Variants in CHN2 observed in about 807,000 individuals in gnomAD.
The protein encoded by CHN2 is chimerin 2.
Under a neutral mutation model 56.3 loss-of-function variants are expected in CHN2, and 35 were observed. The observed-to-expected ratio is 0.62, with a 90% confidence interval of 0.47 to 0.82. The LOEUF (loss-of-function observed/expected upper bound fraction) is 0.82, where lower values mean the gene tolerates loss of function less well. CHN2 is among the 40% of genes least tolerant of loss of function. The pLI is 0.00. For missense variants in CHN2, 491 were observed against 580.5 expected, an observed-to-expected ratio of 0.85 and a Z score of 1.58; for synonymous variants, 210 against 212.8, an observed-to-expected ratio of 0.99 and a Z score of 0.12.
chr7:29,497,584 G>T (rs1789442752), intron 8 of CHN2, among the ~76,000 whole-genome samples: 1 of 151,958 alleles, frequency 6.6e-6, no homozygotes, highest in Non-Finnish European at 1.5e-5. Flanking sequence ...TAGCAGCAGG[G>T]AGGCTAAAAA....
chr7:29,147,925 A>C (rs901218788), intron 2 of CHN2, among the ~76,000 whole-genome samples: 5 of 152,236 alleles, frequency 3.3e-5, no homozygotes, highest in African/African-American at 1.2e-4. Flanking sequence ...ATCTGCACTT[A>C]AATATGATGG....
chr7:29,436,960 TAATAAA>T (rs1414870488), intron 6 of CHN2, among the ~76,000 whole-genome samples: 2 of 151,358 alleles, frequency 1.3e-5, no homozygotes, highest in Non-Finnish European at 2.9e-5. Context: ...ATAATAATAA[TAATAAA>T]ATTTACTCTT....
chr7:29,398,568 A>G, intron 5 of CHN2, 82 bp downstream of exon 5: 1 of 848,098 alleles, frequency 1.2e-6, no homozygotes, highest in South Asian at 1.4e-5. Context: ...ATTGTAGCAG[A>G]GTATACATAA....
At chr7:29,464,296 T>C (rs976266543) in intron 6 of CHN2, among the ~76,000 whole-genome samples, 7 of 152,200 alleles carry the variant, frequency 4.6e-5, no homozygotes, top group African/African-American at 1.7e-4. Context: ...TTGCAAATAG[T>C]TTGGAAAATG....
At chr7:29,461,697 A>G (rs78368176) in intron 6 of CHN2, among the ~76,000 whole-genome samples, 2,096 of 152,310 alleles carry the variant, frequency 0.014, 52 homozygotes, top group African/African-American at 0.047. Context: ...ATGAGAACAG[A>G]GGTTAGGTAT....
intron 1 of CHN2, among the ~76,000 whole-genome samples, chr7:29,299,651 A>G (rs986527684): frequency 6.6e-6 from 1 of 152,198 alleles, no homozygotes; most frequent in Non-Finnish European, 1.5e-5. Context: ...ATTAATGCAC[A>G]TGACTCAAAA....
At chr7:29,243,566 A>G (rs981584243) in intron 1 of CHN2, among the ~76,000 whole-genome samples, 1 of 152,224 alleles carries the variant, frequency 6.6e-6, no homozygotes, top group Non-Finnish European at 1.5e-5. Context: ...GGAGTTTATC[A>G]TAGTTTATTA....
At chr7:29,294,121 C>T (rs1425123086) in intron 1 of CHN2, among the ~76,000 whole-genome samples, 2 of 152,090 alleles carry the variant, frequency 1.3e-5, no homozygotes, top group African/African-American at 2.4e-5. Context: ...CCGCCTCGGC[C>T]TCCCAAAGTG....
At chr7:29,218,116 A>G (rs1785476230) in intron 1 of CHN2, among the ~76,000 whole-genome samples, 1 of 152,186 alleles carries the variant, frequency 6.6e-6, no homozygotes, top group Non-Finnish European at 1.5e-5. Context: ...ATTGGAACTA[A>G]TTACAAAGCT....
At chr7:29,304,196 T>C (rs752473642) in intron 1 of CHN2, among the ~76,000 whole-genome samples, 1 of 152,204 alleles carries the variant, frequency 6.6e-6, no homozygotes, top group African/African-American at 2.4e-5. Context: ...ATTCGAATGT[T>C]TCAACCCCAC....
chr7:29,305,071 T>G (rs891321266), intron 1 of CHN2, among the ~76,000 whole-genome samples: 8 of 152,078 alleles, frequency 5.3e-5, no homozygotes, highest in Non-Finnish European at 1.5e-5. Flanking sequence ...AAAGGGACAC[T>G]GAAGGGAGGG....
chr7:29,405,222 C>CAT (rs56116764), intron 6 of CHN2, among the ~76,000 whole-genome samples: 2 of 146,404 alleles, frequency 1.4e-5, no homozygotes, highest in South Asian at 2.2e-4. Flanking sequence ...CACACACACA[C>CAT]GGCAGTTCCA....
At position 29,149,190 on chromosome 7, in the gene CHN2, T is replaced by C. The variant is rs1002120303; in HGVS notation, c.274+2230T>C. 2.9e-3 allele frequency among the ~76,000 whole-genome samples: 11 copies of C among 3,768 alleles called. No homozygotes were observed. The South Asian group carries it at 0.074, about 25-fold the overall frequency. The allele number at this position is 3,768 out of a possible 152,430, so 2.5% of individuals were successfully genotyped here. On this transcript the variant is annotated intron_variant, in intron 2 of 6. Transcript: ENST00000439384. ...TAGTAGATTGGGAAGTCTGTTTCCC[T>C]TTTTTTTTTTTTTTTTTTTTGAGAC...
At chr7:29,282,441 T>C (rs537895802) in intron 1 of CHN2, among the ~76,000 whole-genome samples, 2 of 152,354 alleles carry the variant, frequency 1.3e-5, no homozygotes, top group East Asian at 3.9e-4. Context: ...TGCTAGTGGC[T>C]CATTATATGT....
At chr7:29,220,451 G>A (rs1785707366) in intron 1 of CHN2, among the ~76,000 whole-genome samples, 2 of 151,832 alleles carry the variant, frequency 1.3e-5, no homozygotes, top group South Asian at 2.1e-4. Flanking sequence ...AAAATACAAT[G>A]AATTTCAGAA....
intron 7 of CHN2, among the ~76,000 whole-genome samples, chr7:29,483,046 CT>C (rs1391660047): frequency 6.6e-6 from 1 of 151,896 alleles, no homozygotes; most frequent in Non-Finnish European, 1.5e-5. Context: ...TGGTCTCGAT[CT>C]CCTGACCTCG....
At chr7:29,398,689 C>A (rs1450809950) in intron 5 of CHN2, among the ~76,000 whole-genome samples, 2 of 152,040 alleles carry the variant, frequency 1.3e-5, no homozygotes, top group African/African-American at 4.8e-5. Context: ...CTCTGCCTCC[C>A]AGGCTCAAGT....
At chr7:29,147,248 G>A (rs551766414) in intron 2 of CHN2, 1 of 380,384 alleles carries the variant, frequency 2.6e-6, no homozygotes, top group East Asian at 5.8e-5. Flanking sequence ...AAATAAAGGA[G>A]GGTCATCATT....
At chr7:29,369,310 A>G (rs1258144520) in intron 3 of CHN2, among the ~76,000 whole-genome samples, 2 of 152,212 alleles carry the variant, frequency 1.3e-5, no homozygotes, top group Admixed American at 6.5e-5. Context: ...GAATACAACT[A>G]AAGACTCTAT....
Sources: gnomAD v4.1 joint callset for allele counts (sites outside exome capture counted in the v4.1 genomes callset) on GRCh38, gnomAD v4.1.1 for gene constraint, MANE v1.5 for transcripts, NCBI Gene and HGNC (gene_info 2026-07-23, HGNC 2026-07-21) for gene names.